Variants in PUS10 observed in about 807,000 individuals in gnomAD.
PUS10 encodes the protein pseudouridine synthase 10, also known as tRNA pseudouridine synthase Pus10.
PUS10 carries 59 observed loss-of-function variants against 75.0 expected under a neutral mutation model. That is an observed-to-expected ratio of 0.79 (90% CI 0.64 to 0.98). PUS10 has a LOEUF of 0.98. Ranked by LOEUF, PUS10 falls within the 50% of genes least tolerant of loss-of-function variation. The pLI, the probability that PUS10 is intolerant of heterozygous loss-of-function variation, is 0.00. For synonymous variants in PUS10, 219 were observed against 211.6 expected (o/e 1.03, Z -0.30); for missense variants, 650 against 614.4 (o/e 1.06, Z -0.61).
intron 4 of PUS10, among the ~76,000 whole-genome samples, chr2:60,999,737 C>T (rs1328047733): frequency 6.6e-6 from 1 of 152,170 alleles, no homozygotes; most frequent in Non-Finnish European, 1.5e-5. Context: ...TTCTATGTAT[C>T]TTGGCCAAGT....
chr2:61,017,731 G>A (rs1680098372), intron 1 of PUS10: 4 of 1,539,022 alleles, frequency 2.6e-6, no homozygotes, highest in Non-Finnish European at 3.5e-6. Flanking sequence ...GTCAGGGGTA[G>A]GAGCGGGAGC....
chr2:60,958,279 T>G (rs1388736333), intron 11 of PUS10, among the ~76,000 whole-genome samples: 1 of 152,216 alleles, frequency 6.6e-6, no homozygotes, highest in Non-Finnish European at 1.5e-5. Flanking sequence ...AATACCAAAT[T>G]AAGCGGGTAA....
At chr2:61,000,726 A>G (rs560865979) in intron 4 of PUS10, among the ~76,000 whole-genome samples, 1 of 152,146 alleles carries the variant, frequency 6.6e-6, no homozygotes, top group Non-Finnish European at 1.5e-5. Context: ...GTCTCCAGTC[A>G]TTTGTAAAAT....
Position 61,013,643 on chromosome 2 carries a change from T to C in PUS10, c.-15-1738A>G, listed in dbSNP as rs1481080696. On this transcript the variant is annotated intron_variant, in intron 1 of 17. Coordinates refer to ENST00000316752, the MANE Select transcript of PUS10 (RefSeq NM_144709.4). ...AGAACCTCTAGGTGGCTAAGGGCCT[T>C]GGCATTCAGACTAGACAAAAAAATC... Among the ~76,000 whole-genome samples, 2 of 152,238 alleles carry C rather than the reference T, an allele frequency of 1.3e-5. 1 individual carries two copies. Among genetic ancestry groups the C allele is most frequent in the Admixed American group, 1.3e-4 (2 of 15,284 alleles).
rs1212392098 is a variant in PUS10 at position 60,941,532 on chromosome 2, A to G, written c.*863T>C. ...ATAAAATGGAGACAATATCCTATCT[A>G]CTTTAATAAGGTATTATTAAAATGT... is the stretch of plus-strand genomic sequence containing the variant. On this transcript the variant is annotated 3_prime_UTR_variant, in exon 18 of 18. Coordinates refer to ENST00000316752, the MANE Select transcript of PUS10 (RefSeq NM_144709.4). The G allele has an allele frequency of 6.6e-6, 1 of 152,126 alleles. No individual in the cohort carries two copies. Among genetic ancestry groups the G allele is most frequent in the Non-Finnish European group, 1.5e-5 (1 of 68,000 alleles). 9.4% of individuals were successfully genotyped at this position (152,126 alleles called of 1,614,324 possible).
chr2:60,950,630 G>A (rs1174398402), intron 15 of PUS10, among the ~76,000 whole-genome samples: 2 of 152,168 alleles, frequency 1.3e-5, no homozygotes, highest in South Asian at 2.1e-4. Flanking sequence ...TGTAGGCCAG[G>A]CTGGTCTCAA....
chr2:60,955,003 C>G lies in PUS10; in HGVS notation c.1057+15G>C. ...GAAAGTTAGTTCTAATCAGGTGATGCTGTTGCAGTCTTACCATTTCCTAAT... is the reference window on the plus strand; with the variant it reads ...GAAAGTTAGTTCTAATCAGGTGATGGTGTTGCAGTCTTACCATTTCCTAAT... On this transcript the variant is annotated intron_variant, in intron 12 of 17. Transcript: ENST00000316752. 1 of 1,517,608 alleles carries G rather than the reference C, an allele frequency of 6.6e-7. No individual in the cohort carries two copies. Among genetic ancestry groups the G allele is most frequent in the Non-Finnish European group, 9.0e-7 (1 of 1,107,224 alleles). 94.0% of individuals were successfully genotyped at this position (1,517,608 alleles called of 1,614,324 possible).
At chr2:60,997,753 C>CT (rs756237219) in intron 4 of PUS10, among the ~76,000 whole-genome samples, 20 of 151,958 alleles carry the variant, frequency 1.3e-4, no homozygotes, top group Non-Finnish European at 2.9e-4. Context: ...AGGAATCAAA[C>CT]TTGCTTTGCA....
At chr2:61,011,678 A>C in intron 2 of PUS10, 87 bp downstream of exon 2, 2 of 950,282 alleles carry the variant, frequency 2.1e-6, no homozygotes, top group Non-Finnish European at 2.9e-6. Context: ...ATGAATAGAT[A>C]CCTGCCCTCA....
At chr2:60,981,260 C>A (rs1177093710) in intron 4 of PUS10, among the ~76,000 whole-genome samples, 2 of 151,864 alleles carry the variant, frequency 1.3e-5, no homozygotes, top group Non-Finnish European at 2.9e-5. Flanking sequence ...TCAATATTTA[C>A]CATATTAGCA....
At chr2:60,960,337 C>T (rs960731514) in intron 11 of PUS10, 55 bp downstream of exon 11, 34 of 1,313,480 alleles carry the variant, frequency 2.6e-5, no homozygotes, top group Non-Finnish European at 3.2e-5. Context: ...AAGCAAGCCC[C>T]TATCTCAAAA....
At chr2:60,997,283 A>C (rs1353882481) in intron 4 of PUS10, among the ~76,000 whole-genome samples, 4 of 152,184 alleles carry the variant, frequency 2.6e-5, no homozygotes, top group African/African-American at 9.7e-5. Context: ...TAGTCCCTAA[A>C]AGAACTAAGA....
chr2:60,992,716 T>C (rs1678191149), intron 4 of PUS10, among the ~76,000 whole-genome samples: 1 of 152,240 alleles, frequency 6.6e-6, no homozygotes, highest in South Asian at 2.1e-4. Context: ...ATATGGCTCA[T>C]GACCACATTT....
At chr2:60,997,745 G>A (rs572412374) in intron 4 of PUS10, among the ~76,000 whole-genome samples, 1 of 152,258 alleles carries the variant, frequency 6.6e-6, no homozygotes, top group Admixed American at 6.5e-5. Flanking sequence ...AAGTTTAAAG[G>A]AATCAAACTT....
intron 4 of PUS10, among the ~76,000 whole-genome samples, chr2:60,996,457 G>A (rs1678466915): frequency 6.6e-6 from 1 of 152,100 alleles, no homozygotes; most frequent in East Asian, 1.9e-4. Context: ...TCACTCTGGT[G>A]ATCTTCTGAC....
At chr2:60,958,249 T>TA (rs1324565007) in intron 11 of PUS10, among the ~76,000 whole-genome samples, 1 of 152,196 alleles carries the variant, frequency 6.6e-6, no homozygotes, top group African/African-American at 2.4e-5. Context: ...GCATAAGTCT[T>TA]ATGTGATAAT....
At chr2:61,006,794 G>C in intron 3 of PUS10, 151 bp from the exon 4 acceptor site, 2 of 615,076 alleles carry the variant, frequency 3.3e-6, no homozygotes, top group Non-Finnish European at 5.6e-6. Flanking sequence ...CAAATATCTT[G>C]AGATTAAATA....
intron 15 of PUS10, among the ~76,000 whole-genome samples, chr2:60,950,324 T>C (rs1021700787): frequency 6.6e-6 from 1 of 152,230 alleles, no homozygotes; most frequent in Non-Finnish European, 1.5e-5. Context: ...CTATGAGTCA[T>C]AGATATAGAC....
chr2:61,002,916 TA>T (rs1422854507), intron 4 of PUS10, among the ~76,000 whole-genome samples: 1 of 152,224 alleles, frequency 6.6e-6, no homozygotes, highest in Non-Finnish European at 1.5e-5. Context: ...TTATTCTACT[TA>T]CTACGTCTTA....
Sources: allele counts gnomAD v4.1 joint callset (sites outside exome capture counted in the v4.1 genomes callset), GRCh38; gene constraint gnomAD v4.1.1; transcripts MANE v1.5; gene names NCBI Gene and HGNC (gene_info 2026-07-23, HGNC 2026-07-21).